Variants in ANK3 observed in about 807,000 individuals in gnomAD.
ANK3 encodes ankyrin-3.
A neutral mutation model predicts 370.9 loss-of-function variants in ANK3; 57 were observed. The ratio of observed to expected loss-of-function variants is 0.15; its 90% CI spans 0.12 to 0.19. The LOEUF is 0.19. Among genes scored for constraint, ANK3 ranks in the 10% least tolerant of loss-of-function variants. The pLI is 1.00. For missense variants in ANK3, 4,439 were observed against 5,302.1 expected (o/e 0.84, Z 5.06); for synonymous variants, 1,929 against 1,946.3 (o/e 0.99, Z 0.23).
chr10:60,158,639 T>C (rs189081209), intron 23 of ANK3, among the ~76,000 whole-genome samples: 4 of 150,396 alleles, frequency 2.7e-5, no homozygotes, highest in African/African-American at 9.7e-5. Context: ...ATACAAAATA[T>C]TAAAAGCAAG....
chr10:60,189,900 A>C (rs1565565403), intron 16 of ANK3, among the ~76,000 whole-genome samples: 1 of 152,242 alleles, frequency 6.6e-6, no homozygotes, highest in Non-Finnish European at 1.5e-5. Context: ...TTTCACAAAT[A>C]TACTGATCCA....
At chr10:60,366,280 C>T (rs1214152127) in intron 1 of ANK3, among the ~76,000 whole-genome samples, 2 of 152,180 alleles carry the variant, frequency 1.3e-5, no homozygotes, top group Admixed American at 1.3e-4. Context: ...TTGCAGAGAG[C>T]TGAGATCATG....
At chr10:60,227,171 T>C (rs966200195) in intron 8 of ANK3, among the ~76,000 whole-genome samples, 5 of 151,976 alleles carry the variant, frequency 3.3e-5, no homozygotes, top group African/African-American at 1.2e-4. Flanking sequence ...TTTTAGTAGA[T>C]ATAAATACCT....
chr10:60,175,331 C>G (rs1411863548), intron 18 of ANK3, among the ~76,000 whole-genome samples: 3 of 152,216 alleles, frequency 2.0e-5, no homozygotes, highest in African/African-American at 7.2e-5. Context: ...TCGGGGTTAA[C>G]AGCATTCCCA....
chr10:60,104,389 A>C (rs1412274106), intron 28 of ANK3, among the ~76,000 whole-genome samples: 5,661 of 103,216 alleles, frequency 0.055, 190 homozygotes, highest in Non-Finnish European at 0.067. Context: ...AAAAAAAAAA[A>C]AAAGAAACAA....
chr10:60,662,784 T>C (rs1176562478), intron 1 of ANK3, among the ~76,000 whole-genome samples: 3 of 152,162 alleles, frequency 2.0e-5, no homozygotes, highest in East Asian at 1.9e-4. Context: ...AGGTCTAGCA[T>C]GTCGTTGGTG....
At chr10:60,112,502 A>G (rs1007400020) in intron 26 of ANK3, among the ~76,000 whole-genome samples, 4 of 152,202 alleles carry the variant, frequency 2.6e-5, no homozygotes, top group African/African-American at 9.6e-5. Flanking sequence ...AAGCCACCAT[A>G]AAGTTTATAA....
chr10:60,450,677 C>G (rs1184796969), intron 2 of ANK3, among the ~76,000 whole-genome samples: 1 of 152,040 alleles, frequency 6.6e-6, no homozygotes, highest in African/African-American at 2.4e-5. Flanking sequence ...GAGGATAAAA[C>G]AGGAAATGAA....
intron 2 of ANK3, among the ~76,000 whole-genome samples, chr10:60,496,815 G>A (rs2075670535): frequency 2.0e-5 from 3 of 151,594 alleles, no homozygotes; most frequent in Admixed American, 1.3e-4. Context: ...TTGGCCGGGA[G>A]GTAGGTCAGA....
chr10:60,458,057 A>T (rs944660394), intron 2 of ANK3, among the ~76,000 whole-genome samples: 1 of 152,120 alleles, frequency 6.6e-6, no homozygotes, highest in Admixed American at 6.6e-5. Flanking sequence ...AAGGATGGAA[A>T]GTGCCTTCAG....
At chr10:60,619,591 C>G (rs1481458643) in intron 1 of ANK3, among the ~76,000 whole-genome samples, 1 of 152,176 alleles carries the variant, frequency 6.6e-6, no homozygotes, top group Non-Finnish European at 1.5e-5. Context: ...ATGGAAAGCA[C>G]AATCATGTGC....
intron 2 of ANK3, among the ~76,000 whole-genome samples, chr10:60,593,278 C>A (rs1217852262): frequency 6.6e-6 from 1 of 152,184 alleles, no homozygotes; most frequent in Non-Finnish European, 1.5e-5. Flanking sequence ...TCCCCCAACC[C>A]TTTTAAGACA....
intron 7 of ANK3, among the ~76,000 whole-genome samples, chr10:60,236,305 T>C (rs1476120869): frequency 6.7e-6 from 1 of 150,324 alleles, no homozygotes; most frequent in Non-Finnish European, 1.5e-5. Context: ...AAAGTAAAAA[T>C]AATTCCTTTA....
chr10:60,477,241 T>C (rs1174604815), intron 2 of ANK3, among the ~76,000 whole-genome samples: 1 of 152,012 alleles, frequency 6.6e-6, no homozygotes, highest in Non-Finnish European at 1.5e-5. Flanking sequence ...GAAATAAACA[T>C]GGCAATGAGT....
At chr10:60,382,915 T>C (rs953310666) in intron 1 of ANK3, among the ~76,000 whole-genome samples, 2 of 151,596 alleles carry the variant, frequency 1.3e-5, no homozygotes, top group African/African-American at 4.8e-5. Flanking sequence ...AATATACAAA[T>C]CTAGATTTTG....
At chr10:60,570,499 G>C (rs1438036856) in intron 2 of ANK3, among the ~76,000 whole-genome samples, 5 of 152,124 alleles carry the variant, frequency 3.3e-5, no homozygotes, top group Non-Finnish European at 4.4e-5. Flanking sequence ...AGCATCAGAA[G>C]AATGATTTAA....
intron 2 of ANK3, among the ~76,000 whole-genome samples, chr10:60,471,873 A>G (rs1243847595): frequency 6.6e-6 from 1 of 152,098 alleles, no homozygotes; most frequent in Non-Finnish European, 1.5e-5. Context: ...AGCTGCCACT[A>G]GATACTGGAG....
At chr10:60,181,206 A>G in intron 18 of ANK3, 123 bp downstream of exon 18, 1 of 942,814 alleles carries the variant, frequency 1.1e-6, no homozygotes. Flanking sequence ...ATAAACATTT[A>G]AAATACTACG....
intron 25 of ANK3, among the ~76,000 whole-genome samples, chr10:60,127,074 A>G (rs1054468467): frequency 6.6e-6 from 1 of 152,224 alleles, no homozygotes; most frequent in African/African-American, 2.4e-5. Flanking sequence ...GGTAGGAATC[A>G]TTGGTCTTCA....
Sources: gnomAD v4.1 joint callset for allele counts (sites outside exome capture counted in the v4.1 genomes callset) on GRCh38, gnomAD v4.1.1 for gene constraint, MANE v1.5 for transcripts, NCBI Gene and HGNC (gene_info 2026-07-23, HGNC 2026-07-21) for gene names.